Variants in CLIC5 observed in about 807,000 individuals in gnomAD.
The protein encoded by CLIC5 is CLIC family member 5, also known as chloride intracellular channel protein 5.
A neutral mutation model predicts 24.7 loss-of-function variants in CLIC5; 20 were observed. That is an observed-to-expected ratio of 0.81 (90% confidence interval 0.57 to 1.18). The LOEUF is 1.18. Among genes scored for constraint, CLIC5 ranks in the 50% most tolerant of loss-of-function variants. The pLI is 0.00. For synonymous variants in CLIC5, 159 were observed against 135.6 expected (o/e 1.17, Z -1.20); for missense variants, 341 against 326.1 (o/e 1.05, Z -0.35).
upstream of CLIC5, among the ~76,000 whole-genome samples, chr6:46,083,721 T>C (rs1421810608): frequency 1.3e-5 from 2 of 152,130 alleles, no homozygotes; most frequent in African/African-American, 4.8e-5. Context: ...GGAATAGGTG[T>C]GGTGTGGTGC....
intron 1 of CLIC5, among the ~76,000 whole-genome samples, chr6:46,070,921 G>A (rs1410879500): frequency 3.3e-5 from 5 of 151,888 alleles, no homozygotes; most frequent in Non-Finnish European, 4.4e-5. Flanking sequence ...AAATACGGCC[G>A]CACACCTATA....
the CLIC5 span, among the ~76,000 whole-genome samples, chr6:46,089,985 C>G: frequency 1.3e-5 from 2 of 152,192 alleles, no homozygotes. Flanking sequence ...GTAAGCCAGG[C>G]TGCTTTCTGC....
At position 46,070,685 on chromosome 6, in the gene CLIC5, C is replaced by T. The variant is rs549022143; in HGVS notation, c.540+9018G>A. Among the ~76,000 whole-genome samples, 3 of 152,128 alleles carry T rather than the reference C, an allele frequency of 2.0e-5. No homozygotes were observed. In the East Asian group the frequency reaches 5.8e-4, roughly 29 times the overall value. On this transcript the variant is annotated intron_variant, in intron 1 of 5. Coordinates refer to the CLIC5 transcript ENST00000185206. ...TAGATTCAATGCTATTCCTATCAAA[C>T]TACCAGTGACATTCTACACAGAACT...
intron 1 of CLIC5, among the ~76,000 whole-genome samples, chr6:45,975,687 AAAGAAC>A (rs1387542460): frequency 6.6e-6 from 1 of 152,220 alleles, no homozygotes; most frequent in African/African-American, 2.4e-5. Context: ...ATCAGATTAC[AAAGAAC>A]AAGACAATAT....
At chr6:46,005,684 G>A (rs1029580857) in intron 1 of CLIC5, among the ~76,000 whole-genome samples, 1 of 152,060 alleles carries the variant, frequency 6.6e-6, no homozygotes, top group African/African-American at 2.4e-5. Context: ...GCATTAGCAG[G>A]TGGAGGCTTT....
intron 1 of CLIC5, among the ~76,000 whole-genome samples, chr6:45,992,589 C>CCTAACAG (rs1765981310): frequency 2.0e-5 from 3 of 152,104 alleles, no homozygotes; most frequent in African/African-American, 7.2e-5. Flanking sequence ...GATACATATG[C>CCTAACAG]ATCATATGCA....
At chr6:46,068,929 T>G (rs749978008) in intron 1 of CLIC5, among the ~76,000 whole-genome samples, 56 of 152,154 alleles carry the variant, frequency 3.7e-4, no homozygotes, top group Non-Finnish European at 7.6e-4. Flanking sequence ...GATACTTTAT[T>G]GCAGAAGTCC....
At chr6:46,066,903 A>G (rs565444266) in intron 1 of CLIC5, among the ~76,000 whole-genome samples, 7 of 152,320 alleles carry the variant, frequency 4.6e-5, no homozygotes, top group Non-Finnish European at 7.4e-5. Flanking sequence ...TGGATGGAGC[A>G]GAACAGCATC....
At chr6:45,995,308 C>T (rs745846581) in intron 1 of CLIC5, among the ~76,000 whole-genome samples, 3 of 152,208 alleles carry the variant, frequency 2.0e-5, no homozygotes, top group African/African-American at 4.8e-5. Flanking sequence ...ACATAGTAAG[C>T]ATTTAGTCAA....
At chr6:46,004,003 C>T (rs1338473) in intron 1 of CLIC5, among the ~76,000 whole-genome samples, 50,345 of 152,054 alleles carry the variant, frequency 0.33, 8,540 homozygotes, top group Middle Eastern at 0.45. Flanking sequence ...CCCAAAAATG[C>T]TTCAAAAAAC....
intron 3 of CLIC5, among the ~76,000 whole-genome samples, chr6:45,944,471 A>C (rs1407918336): frequency 7.3e-6 from 1 of 137,510 alleles, no homozygotes; most frequent in Non-Finnish European, 1.5e-5. Flanking sequence ...ATTTCTCTCC[A>C]CCCGGTTTTT....
intron 1 of CLIC5, among the ~76,000 whole-genome samples, chr6:45,996,577 T>A (rs1766148787): frequency 6.6e-6 from 1 of 152,176 alleles, no homozygotes; most frequent in Non-Finnish European, 1.5e-5. Context: ...CTAGCCAGTT[T>A]TCCCAGCACC....
intron 1 of CLIC5, among the ~76,000 whole-genome samples, chr6:46,004,587 G>A (rs185865012): frequency 6.6e-6 from 1 of 152,322 alleles, no homozygotes; most frequent in African/African-American, 2.4e-5. Flanking sequence ...AAAGTTGGTA[G>A]GTTGTTGTTT....
At chr6:46,032,455 T>C (rs1009334236) in intron 1 of CLIC5, among the ~76,000 whole-genome samples, 1 of 152,228 alleles carries the variant, frequency 6.6e-6, no homozygotes, top group East Asian at 1.9e-4. Context: ...TTTTACTTTA[T>C]GCATTTTTAT....
intron 2 of CLIC5, among the ~76,000 whole-genome samples, chr6:45,953,781 C>G: frequency 6.6e-6 from 1 of 151,988 alleles, no homozygotes; most frequent in South Asian, 2.1e-4. Flanking sequence ...ATGTGTGAAC[C>G]TGGAAAGATG....
intron 1 of CLIC5, among the ~76,000 whole-genome samples, chr6:46,045,297 C>A (rs1767923984): frequency 6.6e-6 from 1 of 152,146 alleles, no homozygotes; most frequent in Non-Finnish European, 1.5e-5. Flanking sequence ...TATAATTTTA[C>A]CACCTGGTAC....
chr6:45,921,497 C>T (rs1182604823), intron 4 of CLIC5, among the ~76,000 whole-genome samples: 1 of 152,052 alleles, frequency 6.6e-6, no homozygotes, highest in Non-Finnish European at 1.5e-5. Flanking sequence ...TTCACATCAT[C>T]TAGTGTCTGG....
chr6:46,126,404 T>C, the CLIC5 span, among the ~76,000 whole-genome samples: 3 of 152,234 alleles, frequency 2.0e-5, no homozygotes, highest in South Asian at 4.1e-4. Context: ...GAATTTATAC[T>C]GATTCTTTCA....
chr6:46,067,109 T>C (rs1016103319), intron 1 of CLIC5, among the ~76,000 whole-genome samples: 3 of 152,094 alleles, frequency 2.0e-5, no homozygotes, highest in Non-Finnish European at 4.4e-5. Flanking sequence ...CAATTTGCAA[T>C]TTCGTTCCAA....
Sources: allele counts gnomAD v4.1 joint callset (sites outside exome capture counted in the v4.1 genomes callset), GRCh38; gene constraint gnomAD v4.1.1; transcripts MANE v1.5; gene names NCBI Gene and HGNC (gene_info 2026-07-23, HGNC 2026-07-21).